Variants in SMARCD3 observed in about 807,000 individuals in gnomAD.
SMARCD3 encodes the protein SWI/SNF related BAF chromatin remodeling complex subunit D3, also known as SWI/SNF-related matrix-associated actin-dependent regulator of chromatin subfamily D member 3.
A neutral mutation model predicts 58.0 loss-of-function variants in SMARCD3; 14 were observed. That is an observed-to-expected ratio of 0.24 (90% CI 0.16 to 0.38). The LOEUF (loss-of-function observed/expected upper bound fraction) is 0.38, where lower values mean the gene tolerates loss of function less well. Among genes scored for constraint, SMARCD3 ranks in the 10% least tolerant of loss-of-function variants. The pLI is 1.00. For synonymous variants in SMARCD3, 253 were observed against 253.8 expected, an observed-to-expected ratio of 1.00 and a Z score of 0.03; for missense variants, 408 against 636.9, an observed-to-expected ratio of 0.64 and a Z score of 3.87.
upstream of SMARCD3, chr7:151,248,722 T>TGACGGCC: frequency 1.7e-6 from 2 of 1,210,722 alleles, no homozygotes; most frequent in South Asian, 3.8e-5. The surrounding 1 kb of genome is among the most constrained non-coding windows in gnomAD (Gnocchi z 6.1). Flanking sequence ...AGGGCTGCCC[T>TGACGGCC]GACGGCCCAC....
intron 2 of SMARCD3, among the ~76,000 whole-genome samples, chr7:151,255,002 C>G (rs1563675674): frequency 6.6e-6 from 1 of 152,190 alleles, no homozygotes; most frequent in Admixed American, 6.5e-5. Context: ...GGAAGTGCTG[C>G]GCGGACTCGT....
intron 1 of SMARCD3, among the ~76,000 whole-genome samples, chr7:151,276,227 A>C (rs1248789075): frequency 6.6e-6 from 1 of 151,686 alleles, no homozygotes; most frequent in Non-Finnish European, 1.5e-5. Flanking sequence ...ACGGTGGCCA[A>C]GTGGAGACAG....
In SMARCD3 at chr7:151,246,131, G is replaced by C. The variant is rs529764545; in HGVS notation, c.79-460C>G. 3 of 152,340 alleles carry C rather than the reference G, an allele frequency of 2.0e-5. No individual in the cohort carries two copies. The South Asian group carries it at 6.2e-4, about 32-fold the overall frequency. 9.4% of individuals were successfully genotyped at this position (152,340 alleles called of 1,614,324 possible). On this transcript the variant is annotated intron_variant, in intron 1 of 12. Coordinates refer to ENST00000262188, the MANE Select transcript of SMARCD3 (RefSeq NM_001003801.2). The surrounding 1 kb of genome is among the most constrained non-coding windows in gnomAD (Gnocchi z 4.4). Reference sequence around the variant, plus strand: ...ATCCTGGCCCAGGCAGCCCCTGAAGGGCTGCCTCCTGGGGGCCCAGGGCTT... The same window carrying C: ...ATCCTGGCCCAGGCAGCCCCTGAAGCGCTGCCTCCTGGGGGCCCAGGGCTT...
Position 151,241,373 on chromosome 7 carries a change from A to T in SMARCD3, c.939+119T>A. 1.2e-6 allele frequency: 1 copy of T among 862,712 alleles called. No homozygotes were observed. The highest frequency in any genetic ancestry group is 1.9e-6 in the Non-Finnish European group (1 of 525,212). The allele number at this position is 862,712 out of a possible 1,614,324, so 53.4% of individuals were successfully genotyped here. A position where few individuals can be genotyped will look rare whatever the true frequency, so the allele number is the denominator to read the frequency against. On this transcript the variant is annotated intron_variant, in intron 8 of 12. Transcript: ENST00000262188. The surrounding 1 kb of genome is among the most constrained non-coding windows in gnomAD (Gnocchi z 5.3). ...CTTGGCTCCAAGACCATGACTGTGT[A>T]CTGCTTCTGCTACTCAGGAATCTAG...
intron 2 of SMARCD3, among the ~76,000 whole-genome samples, chr7:151,266,498 G>C (rs577944370): frequency 6.6e-6 from 1 of 152,182 alleles, no homozygotes; most frequent in Non-Finnish European, 1.5e-5. Context: ...AATCCAGTGA[G>C]TGTGACCATC....
At position 151,248,169 on chromosome 7, in the gene SMARCD3, A is replaced by G. The variant is rs1432283970; in HGVS notation, c.78+316T>C. Among the ~76,000 whole-genome samples, 1 of 151,686 alleles carries G rather than the reference A, an allele frequency of 6.6e-6. No homozygotes were observed. The highest frequency in any genetic ancestry group is 1.5e-5 in the Non-Finnish European group (1 of 67,816). On this transcript the variant is annotated intron_variant, in intron 1 of 12. Coordinates refer to ENST00000262188, the MANE Select transcript of SMARCD3 (RefSeq NM_001003801.2). This position sits in a 1 kb window ranked among gnomAD's most constrained non-coding sequence, Gnocchi z 6.1. Reference sequence around the variant, plus strand: ...GGGGCAACACCTGGGCCCACAAGGAAAAGAACGAAAGTCAACCTGTCGGCT... The same window carrying G: ...GGGGCAACACCTGGGCCCACAAGGAGAAGAACGAAAGTCAACCTGTCGGCT...
chr7:151,261,394 G>T lies in SMARCD3; in HGVS notation c.39+13720C>A, dbSNP rs139721293. ...CAGGGTTGAGAACCACAGCCCTTGAGTCAATTGGTTCTGGGTTCAAACCCC... is the reference window on the plus strand; with the variant it reads ...CAGGGTTGAGAACCACAGCCCTTGATTCAATTGGTTCTGGGTTCAAACCCC... On this transcript the variant is annotated intron_variant, in intron 2 of 13. Coordinates refer to the SMARCD3 transcript ENST00000356800. Among the ~76,000 whole-genome samples, 375 of 152,302 alleles carry T rather than the reference G, an allele frequency of 2.5e-3. 2 individuals carry two copies. Among genetic ancestry groups the T allele is most frequent in the African/African-American group, 6.8e-3 (284 of 41,560 alleles).
intron 2 of SMARCD3, among the ~76,000 whole-genome samples, chr7:151,267,636 A>C (rs1373659343): frequency 1.3e-5 from 2 of 152,202 alleles, no homozygotes; most frequent in African/African-American, 4.8e-5. Context: ...GTTTTTGAAA[A>C]GACTCTGCAT....
rs1802867970 is a variant in SMARCD3, at chr7:151,239,848, T to G, written c.1174-102A>C. On this transcript the variant is annotated intron_variant, in intron 10 of 12. Transcript: ENST00000262188. This position sits in a 1 kb window ranked among gnomAD's most constrained non-coding sequence, Gnocchi z 7.0. ...GGGGAGGGAGAGGGGGTTTCTTCTG[T>G]GAAGGACAACCCCTCAGAGCCCCTG... 8.6e-6 allele frequency: 11 copies of G among 1,286,318 alleles called. No individual in the cohort carries two copies. In the South Asian group the frequency reaches 1.4e-4, roughly 16 times the overall value. The allele number at this position is 1,286,318 out of a possible 1,614,324, so 79.7% of individuals were successfully genotyped here.
intron 2 of SMARCD3, among the ~76,000 whole-genome samples, chr7:151,265,366 C>T (rs1804047740): frequency 6.6e-6 from 1 of 152,150 alleles, no homozygotes; most frequent in South Asian, 2.1e-4. Flanking sequence ...GAGACAGATC[C>T]CTCCCTCACA....
chr7:151,266,868 T>C (rs1259481567), intron 2 of SMARCD3, among the ~76,000 whole-genome samples: 1 of 152,178 alleles, frequency 6.6e-6, no homozygotes, highest in African/African-American at 2.4e-5. Flanking sequence ...CATGCCACCA[T>C]GTCTGGCTAA....
At chr7:151,268,617 G>T (rs1404180425) in intron 2 of SMARCD3, among the ~76,000 whole-genome samples, 1 of 152,190 alleles carries the variant, frequency 6.6e-6, no homozygotes, top group Non-Finnish European at 1.5e-5. Context: ...AAATATGGTG[G>T]AGAGACCCCA....
chr7:151,275,209 C>T lies in SMARCD3; in HGVS notation c.-57G>A, dbSNP rs564134345. On this transcript the variant is annotated 5_prime_UTR_variant, in exon 2 of 14. Coordinates refer to the SMARCD3 transcript ENST00000356800. Reference sequence around the variant, plus strand: ...CCAGTGCCCCCTCGGTGCCTGGGCCCGGAGCCCACCGCGCCTGCAGCACCA... The same window carrying T: ...CCAGTGCCCCCTCGGTGCCTGGGCCTGGAGCCCACCGCGCCTGCAGCACCA... 55 of 1,484,560 alleles carry T rather than the reference C, an allele frequency of 3.7e-5. No individual in the cohort carries two copies. The East Asian group carries it at 4.8e-4, about 13-fold the overall frequency. The allele number at this position is 1,484,560 out of a possible 1,614,324, so 92.0% of individuals were successfully genotyped here.
chr7:151,252,850 C>T (rs1334261219), upstream of SMARCD3, among the ~76,000 whole-genome samples: 3 of 152,196 alleles, frequency 2.0e-5, no homozygotes, highest in Non-Finnish European at 4.4e-5. Context: ...TCTGTACCCC[C>T]GACACTCTCT....
intron 1 of SMARCD3, among the ~76,000 whole-genome samples, chr7:151,276,368 G>A (rs1795341571): frequency 6.9e-6 from 1 of 144,934 alleles, no homozygotes; most frequent in Non-Finnish European, 1.5e-5. Context: ...GCAGGAGCAG[G>A]TTGAGAAAGT....
Position 151,248,346 on chromosome 7 carries a change from C to G in SMARCD3, c.78+139G>C. On this transcript the variant is annotated intron_variant, in intron 1 of 12. Coordinates refer to ENST00000262188, the MANE Select transcript of SMARCD3 (RefSeq NM_001003801.2). The surrounding 1 kb of genome is among the most constrained non-coding windows in gnomAD (Gnocchi z 6.1). ...GGGTGCCAGGGCGCCAGCACAGTCC[C>G]GCGGCCGGGCCGTGGGCCATGACGC... 5.3e-6 allele frequency: 4 copies of G among 761,662 alleles called. No homozygotes were observed. Among genetic ancestry groups the G allele is most frequent in the Non-Finnish European group, 8.7e-6 (4 of 458,528 alleles). 47.2% of individuals were successfully genotyped at this position (761,662 alleles called of 1,614,324 possible).
intron 2 of SMARCD3, among the ~76,000 whole-genome samples, chr7:151,269,218 C>A (rs988967755): frequency 6.6e-6 from 1 of 152,220 alleles, no homozygotes; most frequent in African/African-American, 2.4e-5. Flanking sequence ...AAGCACAGTG[C>A]TGCTTCCTGC....
chr7:151,259,467 T>C (rs1000513553), intron 2 of SMARCD3, among the ~76,000 whole-genome samples: 12 of 151,270 alleles, frequency 7.9e-5, no homozygotes, highest in Non-Finnish European at 1.8e-4. Context: ...TTTTCTTCAC[T>C]GCTAAATCCC....
intron 2 of SMARCD3, among the ~76,000 whole-genome samples, chr7:151,269,988 TC>T (rs1308589764): frequency 3.3e-5 from 5 of 151,964 alleles, no homozygotes; most frequent in African/African-American, 7.3e-5. Flanking sequence ...TCTTCAGCGC[TC>T]CCCAGGGGGC....
Sources: allele counts gnomAD v4.1 joint callset (sites outside exome capture counted in the v4.1 genomes callset), GRCh38; gene constraint gnomAD v4.1.1; non-coding constraint Gnocchi (gnomAD v3.1); transcripts MANE v1.5; gene names NCBI Gene and HGNC (gene_info 2026-07-23, HGNC 2026-07-21).